NCKAP5: variants seen among roughly 807,000 people sequenced by gnomAD.
NCKAP5 encodes the protein NCK associated protein 5.
In NCKAP5, 92 loss-of-function variants were observed where a neutral mutation model predicts 167.0. The observed-to-expected ratio is 0.55, with a 90% CI of 0.47 to 0.66. NCKAP5 has a LOEUF of 0.66. Among genes scored for constraint, NCKAP5 ranks in the 30% least tolerant of loss-of-function variants. NCKAP5 has a pLI of 0.00. For missense variants in NCKAP5, 2,378 were observed against 2,315.0 expected, an observed-to-expected ratio of 1.03 and a Z score of -0.56; for synonymous variants, 891 against 877.4, an observed-to-expected ratio of 1.02 and a Z score of -0.27.
intron 3 of NCKAP5, among the ~76,000 whole-genome samples, chr2:133,471,871 A>C (rs1679362711): frequency 6.6e-6 from 1 of 152,028 alleles, no homozygotes. Context: ...AAATTATCTT[A>C]CTCAAGTCTC....
chr2:132,797,761 C>A (rs909924491), intron 11 of NCKAP5, among the ~76,000 whole-genome samples: 5 of 152,190 alleles, frequency 3.3e-5, no homozygotes, highest in African/African-American at 1.2e-4. Flanking sequence ...TCCCACTGGT[C>A]ACTCTGTCCC....
chr2:133,170,046 T>C (rs2084172911), intron 5 of NCKAP5, among the ~76,000 whole-genome samples: 1 of 152,192 alleles, frequency 6.6e-6, no homozygotes, highest in South Asian at 2.1e-4. Context: ...GGATGATGTT[T>C]TAAAAAATAA....
intron 4 of NCKAP5, among the ~76,000 whole-genome samples, chr2:133,226,851 C>T (rs975528720): frequency 6.6e-6 from 1 of 152,160 alleles, no homozygotes; most frequent in Admixed American, 6.5e-5. Context: ...ATCTGCAGTA[C>T]TTTGTTACAG....
intron 5 of NCKAP5, among the ~76,000 whole-genome samples, chr2:133,177,478 T>C (rs1001976399): frequency 6.6e-6 from 1 of 152,060 alleles, no homozygotes; most frequent in Non-Finnish European, 1.5e-5. Flanking sequence ...TTTACCCCCT[T>C]AAACCACACA....
upstream of NCKAP5, among the ~76,000 whole-genome samples, chr2:133,573,221 A>C (rs928603876): frequency 6.6e-6 from 1 of 152,226 alleles, no homozygotes; most frequent in Admixed American, 6.5e-5. Flanking sequence ...AAGTGAGCAT[A>C]AGGAATTCCA....
rs76097663 is a variant in NCKAP5 at position 133,484,085 on chromosome 2, C to T, written c.69+33373G>A. Among the ~76,000 whole-genome samples, 1,199 of 152,280 alleles carry T rather than the reference C, an allele frequency of 7.9e-3. 11 individuals are homozygous for T. The highest frequency in any genetic ancestry group is 0.028 in the African/African-American group (1,163 of 41,548). On this transcript the variant is annotated intron_variant, in intron 3 of 19. Transcript: ENST00000409261. ...CATTTTGAAAAAGCTCTTTGAAAAGCTTAAAAAGGCCCTTGCATGATGGAT... is the reference window on the plus strand; with the variant it reads ...CATTTTGAAAAAGCTCTTTGAAAAGTTTAAAAAGGCCCTTGCATGATGGAT...
At chr2:132,973,921 C>G (rs1032369454) in intron 7 of NCKAP5, among the ~76,000 whole-genome samples, 2 of 152,082 alleles carry the variant, frequency 1.3e-5, no homozygotes, top group African/African-American at 2.4e-5. Flanking sequence ...GGAAAATAGT[C>G]CCAAGTAGCT....
At chr2:133,183,477 CA>C (rs1183599843) in intron 5 of NCKAP5, among the ~76,000 whole-genome samples, 1 of 152,062 alleles carries the variant, frequency 6.6e-6, no homozygotes, top group Non-Finnish European at 1.5e-5. Context: ...CTAAAAAAAT[CA>C]ACATCAATTG....
At chr2:133,125,937 G>A (rs2082390249) in intron 6 of NCKAP5, among the ~76,000 whole-genome samples, 1 of 151,946 alleles carries the variant, frequency 6.6e-6, no homozygotes, top group Non-Finnish European at 1.5e-5. Context: ...TGTGGCTGAA[G>A]GTTTGGTGGT....
intron 16 of NCKAP5, among the ~76,000 whole-genome samples, chr2:132,746,982 G>T (rs1370390325): frequency 1.3e-5 from 2 of 152,058 alleles, no homozygotes; most frequent in Non-Finnish European, 2.9e-5. Context: ...AGGAGAGGGT[G>T]GGGTGTAAAA....
At chr2:133,124,804 T>C (rs1402051948) in intron 6 of NCKAP5, among the ~76,000 whole-genome samples, 1 of 152,208 alleles carries the variant, frequency 6.6e-6, no homozygotes, top group East Asian at 1.9e-4. Flanking sequence ...CACCAGCACG[T>C]TGGGAGACTG....
intron 8 of NCKAP5, among the ~76,000 whole-genome samples, chr2:132,916,697 T>G (rs1694905362): frequency 6.6e-6 from 1 of 152,182 alleles, no homozygotes; most frequent in Non-Finnish European, 1.5e-5. Context: ...AAAGTACAGC[T>G]TATATGTGGC....
the NCKAP5 span, among the ~76,000 whole-genome samples, chr2:133,638,107 T>A: frequency 2.6e-5 from 4 of 152,278 alleles, no homozygotes; most frequent in South Asian, 8.3e-4. Flanking sequence ...GAATCCTCAC[T>A]CAAGAATGAA....
At chr2:133,537,355 G>T (rs866913611) in intron 2 of NCKAP5, among the ~76,000 whole-genome samples, 5 of 152,024 alleles carry the variant, frequency 3.3e-5, no homozygotes, top group Admixed American at 2.6e-4. Context: ...AAATCCAACT[G>T]GGAGATTGCA....
At chr2:133,069,635 G>T (rs924245920) in intron 6 of NCKAP5, among the ~76,000 whole-genome samples, 1 of 152,040 alleles carries the variant, frequency 6.6e-6, no homozygotes, top group East Asian at 1.9e-4. Flanking sequence ...ACTAGATGAC[G>T]GTATCTCCGT....
intron 19 of NCKAP5, among the ~76,000 whole-genome samples, chr2:132,705,096 C>G (rs2105275182): frequency 6.6e-6 from 1 of 152,298 alleles, no homozygotes; most frequent in East Asian, 1.9e-4. Context: ...CCATGTCTAA[C>G]AGCATCTGCC....
the NCKAP5 span, among the ~76,000 whole-genome samples, chr2:133,582,016 A>C: frequency 6.6e-6 from 1 of 152,128 alleles, no homozygotes; most frequent in Non-Finnish European, 1.5e-5. Flanking sequence ...GTCCTGGAGA[A>C]AAAAATTAAA....
At chr2:132,934,446 A>G (rs1696687649) in intron 8 of NCKAP5, among the ~76,000 whole-genome samples, 1 of 151,766 alleles carries the variant, frequency 6.6e-6, no homozygotes, top group African/African-American at 2.4e-5. Flanking sequence ...AGTGGCGGGT[A>G]CCTGTAATCC....
At chr2:132,710,449 A>G (rs758053702) in intron 19 of NCKAP5, among the ~76,000 whole-genome samples, 2 of 152,218 alleles carry the variant, frequency 1.3e-5, no homozygotes, top group Non-Finnish European at 2.9e-5. Flanking sequence ...TCTTAAAGGC[A>G]ACTCTTAAAA....
Sources: allele counts gnomAD v4.1 joint callset (sites outside exome capture counted in the v4.1 genomes callset), GRCh38; gene constraint gnomAD v4.1.1; transcripts MANE v1.5; gene names NCBI Gene and HGNC (gene_info 2026-07-23, HGNC 2026-07-21).